The following HSD17B14 variants were observed in gnomAD, a reference collection of about 807,000 sequenced individuals.
The protein encoded by HSD17B14 is L-fucose dehydrogenase.
Under a neutral mutation model 32.2 loss-of-function variants are expected in HSD17B14, and 32 were observed. The ratio of observed to expected loss-of-function variants is 0.99; its 90% CI spans 0.75 to 1.33. The LOEUF (loss-of-function observed/expected upper bound fraction) is 1.33, where lower values mean the gene tolerates loss of function less well. Ranked by LOEUF, HSD17B14 falls within the 40% of genes most tolerant of loss-of-function variation. HSD17B14 has a pLI of 0.00. For synonymous variants in HSD17B14, 140 were observed against 155.4 expected, an observed-to-expected ratio of 0.90 and a Z score of 0.74; for missense variants, 370 against 366.5, an observed-to-expected ratio of 1.01 and a Z score of -0.08.
At chr19:48,830,867 T>A (rs2035325522) in intron 5 of HSD17B14, among the ~76,000 whole-genome samples, 1 of 125,754 alleles carries the variant, frequency 8.0e-6, no homozygotes, top group African/African-American at 3.5e-5. Context: ...TGAGACAGCA[T>A]CTTGCAATGT....
chr19:48,815,497 G>A (rs867888360), intron 5 of HSD17B14, among the ~76,000 whole-genome samples: 5 of 152,052 alleles, frequency 3.3e-5, no homozygotes, highest in African/African-American at 1.2e-4. Flanking sequence ...GATCCAGAAG[G>A]CTGCATATTT....
At position 48,836,450 on chromosome 19, in the gene HSD17B14, C is replaced by G; in HGVS notation, c.-39G>C. On this transcript the variant is annotated 5_prime_UTR_variant, in exon 1 of 9. Coordinates refer to ENST00000263278, the MANE Select transcript of HSD17B14 (RefSeq NM_016246.3). Reference sequence around the variant, plus strand: ...GTCTCTCTCTCTCTCTACTCTGGGCCTCTTTCACCTCCAAAGCCCCGTGAG... The same window carrying G: ...GTCTCTCTCTCTCTCTACTCTGGGCGTCTTTCACCTCCAAAGCCCCGTGAG... 6.3e-7 allele frequency: 1 copy of G among 1,595,838 alleles called. No individual in the cohort carries two copies. Among genetic ancestry groups the G allele is most frequent in the Non-Finnish European group, 8.6e-7 (1 of 1,165,946 alleles).
chr19:48,815,260 T>C (rs2035032615), intron 5 of HSD17B14, 119 bp from the exon 6 acceptor site: 1 of 741,880 alleles, frequency 1.3e-6, no homozygotes, highest in Non-Finnish European at 2.4e-6. Context: ...ATGTTTCTAG[T>C]TGATCTCAGT....
chr19:48,816,819 CTTTCTTTTCTT>C (rs1568517451), intron 5 of HSD17B14, among the ~76,000 whole-genome samples: 2 of 86,918 alleles, frequency 2.3e-5, no homozygotes, highest in African/African-American at 4.8e-5. Flanking sequence ...TTCTTTCTTT[CTTTCTTTTCTT>C]TCTCTCTCTC....
rs528121440 is a variant in HSD17B14 at position 48,818,285 on chromosome 19, T to C, written c.370-3144A>G. 2.8e-5 allele frequency among the ~76,000 whole-genome samples: 4 copies of C among 141,572 alleles called. No individual in the cohort carries two copies. The East Asian group carries it at 7.9e-4, about 28-fold the overall frequency. The allele number at this position is 141,572 out of a possible 152,430, so 92.9% of individuals were successfully genotyped here. A position where few individuals can be genotyped will look rare whatever the true frequency, so the allele number is the denominator to read the frequency against. ...ACAATCGCACCACTGCACTCCAGCC[T>C]GGGCAGCAGATAAAGACTGTCTCAA... On this transcript the variant is annotated intron_variant, in intron 5 of 8. Coordinates refer to ENST00000263278, the MANE Select transcript of HSD17B14 (RefSeq NM_016246.3).
intron 5 of HSD17B14, among the ~76,000 whole-genome samples, chr19:48,825,134 A>G (rs952662982): frequency 1.4e-5 from 2 of 147,124 alleles, no homozygotes; most frequent in Non-Finnish European, 3.0e-5. Context: ...GCTATTTGGG[A>G]GGGTGAGGCA....
At chr19:48,824,793 G>GA (rs375150288) in intron 5 of HSD17B14, among the ~76,000 whole-genome samples, 4 of 133,352 alleles carry the variant, frequency 3.0e-5, no homozygotes, top group East Asian at 2.2e-4. Flanking sequence ...AAGAAAGAAA[G>GA]AAAGAAAAGA....
rs746020386 is a variant in HSD17B14, at chr19:48,832,710, C to T, written c.233G>A (p.Arg78His). 160 of 1,611,726 alleles carry T rather than the reference C, an allele frequency of 9.9e-5. 1 individual carries two copies. The Admixed American group carries it at 2.6e-3, about 26-fold the overall frequency. Residue 78 changes from arginine to histidine, a missense_variant, in exon 4 of 9, where the codon CGC becomes CAC. By Grantham distance (29) the Arg-to-His change is conservative. Coordinates refer to ENST00000263278, the MANE Select transcript of HSD17B14 (RefSeq NM_016246.3). ...AACACAATCCAGGCGGCCAAATCGG[C>T]GGATGGTCTCAGAAACCAGGGTCTG... ...DVKTLVSETI[R>H]RFGRLDCVVN...
chr19:48,821,808 T>A (rs757187733), intron 5 of HSD17B14, among the ~76,000 whole-genome samples: 8 of 151,804 alleles, frequency 5.3e-5, no homozygotes, highest in Non-Finnish European at 1.0e-4. Context: ...GTAGTGATGA[T>A]GATGGTGACG....
chr19:48,818,712 G>A (rs947582309), intron 5 of HSD17B14, among the ~76,000 whole-genome samples: 7 of 152,080 alleles, frequency 4.6e-5, no homozygotes, highest in African/African-American at 1.2e-4. Flanking sequence ...TCAAGGACCC[G>A]CTGGGGGCCA....
chr19:48,831,822 G>A (rs1437894207), intron 4 of HSD17B14, 63 bp from the exon 5 acceptor site: 9 of 951,012 alleles, frequency 9.5e-6, no homozygotes, highest in Non-Finnish European at 1.4e-5. Flanking sequence ...GCCCACGCCT[G>A]TAATCCCAGC....
At chr19:48,825,237 C>CAAAAA (rs60266504) in intron 5 of HSD17B14, among the ~76,000 whole-genome samples, 46 of 89,004 alleles carry the variant, frequency 5.2e-4, no homozygotes, top group Non-Finnish European at 7.4e-4. Flanking sequence ...GACTCCGTCG[C>CAAAAA]AAAAAAAAAA....
intron 4 of HSD17B14, among the ~76,000 whole-genome samples, chr19:48,832,368 G>A (rs1047085061): frequency 6.6e-6 from 1 of 151,354 alleles, no homozygotes; most frequent in Non-Finnish European, 1.5e-5. Context: ...GACAGAGTGC[G>A]ACTCCATCTG....
At chr19:48,821,448 G>A (rs1015322722) in intron 5 of HSD17B14, among the ~76,000 whole-genome samples, 1 of 152,046 alleles carries the variant, frequency 6.6e-6, no homozygotes, top group African/African-American at 2.4e-5. Flanking sequence ...CCTTAATCCC[G>A]CCCTTGTTTT....
rs180712686 is a variant in HSD17B14, at chr19:48,835,734, G to A, written c.127+71C>T. On this transcript the variant is annotated intron_variant, in intron 2 of 8. Transcript: ENST00000263278. ...TGGACTCCGGGGTCTGAGGGAGGAG[G>A]TGCTAGGGGTCTGGACCTCTGGGTC... 283 of 1,497,424 alleles carry A rather than the reference G, an allele frequency of 1.9e-4. 2 individuals carry two copies. The East Asian group carries it at 5.8e-3, about 31-fold the overall frequency. The allele number at this position is 1,497,424 out of a possible 1,614,324, so 92.8% of individuals were successfully genotyped here. A position where few individuals can be genotyped will look rare whatever the true frequency, so the allele number is the denominator to read the frequency against.
intron 5 of HSD17B14, among the ~76,000 whole-genome samples, chr19:48,821,309 G>C (rs2122757950): frequency 6.6e-6 from 1 of 152,282 alleles, no homozygotes; most frequent in African/African-American, 2.4e-5. Flanking sequence ...CACCGCGCCT[G>C]GCCTCAGAAT....
At chr19:48,823,640 TTTC>T (rs2035195400) in intron 5 of HSD17B14, among the ~76,000 whole-genome samples, 1 of 126,382 alleles carries the variant, frequency 7.9e-6, no homozygotes, top group South Asian at 2.4e-4. Context: ...TTCTTTTTTC[TTTC>T]TTTTTTTTTT....
Position 48,815,155 on chromosome 19 carries a change from A to G in HSD17B14, c.370-14T>C. The G allele has an allele frequency of 6.3e-7, 1 of 1,594,070 alleles. No homozygotes were observed. Among genetic ancestry groups the G allele is most frequent in the Non-Finnish European group, 8.6e-7 (1 of 1,161,942 alleles). On this transcript the variant is annotated splice_polypyrimidine_tract_variant and intron_variant, in intron 5 of 8. Coordinates refer to ENST00000263278, the MANE Select transcript of HSD17B14 (RefSeq NM_016246.3). ...GGGGAGGGCGAGCTAGGGAGACAAG[A>G]GGCCAAGTAAGCTACACAAGCCCTG...
intron 5 of HSD17B14, among the ~76,000 whole-genome samples, chr19:48,823,238 T>C (rs2122766544): frequency 6.6e-6 from 1 of 152,154 alleles, no homozygotes; most frequent in South Asian, 2.1e-4. Flanking sequence ...GGTGAGACTC[T>C]GTCTCTACAA....
Sources: gnomAD v4.1 joint callset for allele counts (sites outside exome capture counted in the v4.1 genomes callset) on GRCh38, gnomAD v4.1.1 for gene constraint, MANE v1.5 for transcripts, NCBI Gene and HGNC (gene_info 2026-07-23, HGNC 2026-07-21) for gene names.